POC5: variants seen among roughly 807,000 people sequenced by gnomAD.
POC5 encodes the protein centrosomal protein POC5.
Under a neutral mutation model 62.9 loss-of-function variants are expected in POC5, and 48 were observed. That is an observed-to-expected ratio of 0.76 (90% CI 0.61 to 0.97). The LOEUF (loss-of-function observed/expected upper bound fraction) is 0.97. Among genes scored for constraint, POC5 ranks in the 50% least tolerant of loss-of-function variants. The pLI is 0.00. For synonymous variants in POC5, 236 were observed against 228.2 expected, an observed-to-expected ratio of 1.03 and a Z score of -0.31; for missense variants, 696 against 679.5, an observed-to-expected ratio of 1.02 and a Z score of -0.27.
chr5:75,695,305 G>A (rs1490062334), intron 5 of POC5, among the ~76,000 whole-genome samples: 1 of 152,108 alleles, frequency 6.6e-6, no homozygotes, highest in Non-Finnish European at 1.5e-5. Context: ...CTGTTATAAT[G>A]GACTGCTATG....
chr5:75,706,860 G>A (rs1161594939), intron 3 of POC5, among the ~76,000 whole-genome samples: 2 of 152,264 alleles, frequency 1.3e-5, no homozygotes, highest in East Asian at 3.9e-4. Context: ...GTATTTTAAG[G>A]CTCTCATCCT....
intron 2 of POC5, among the ~76,000 whole-genome samples, chr5:75,710,736 T>G (rs1276491300): frequency 6.6e-6 from 1 of 152,202 alleles, no homozygotes; most frequent in East Asian, 1.9e-4. Context: ...CAGATTAATA[T>G]GATGGTGATC....
At chr5:75,690,703 T>A in intron 7 of POC5, 141 bp from the exon 8 acceptor site, 1 of 805,752 alleles carries the variant, frequency 1.2e-6, no homozygotes, top group Non-Finnish European at 1.9e-6. Flanking sequence ...ATCTTGCATA[T>A]AGGAGAACAG....
intron 9 of POC5, among the ~76,000 whole-genome samples, chr5:75,687,568 A>G (rs1320343781): frequency 6.6e-6 from 1 of 152,186 alleles, no homozygotes; most frequent in Non-Finnish European, 1.5e-5. Flanking sequence ...AGCAAAAGAA[A>G]TCATGTTGTG....
intron 9 of POC5, among the ~76,000 whole-genome samples, chr5:75,687,158 G>A (rs1776127913): frequency 6.6e-6 from 1 of 152,062 alleles, no homozygotes; most frequent in Admixed American, 6.6e-5. Context: ...AGCCTCCTGA[G>A]TAGCTGGGAC....
intron 8 of POC5, chr5:75,689,502 G>GTTA: frequency 1.0e-6 from 1 of 983,004 alleles, no homozygotes; most frequent in African/African-American, 1.7e-5. Flanking sequence ...AATACATTAA[G>GTTA]AGCCACAGAC....
chr5:75,688,890 T>A, intron 9 of POC5, 122 bp downstream of exon 9: 2 of 982,504 alleles, frequency 2.0e-6, no homozygotes, highest in Non-Finnish European at 2.7e-6. Context: ...GAATTAAGAA[T>A]AGCAGCACCT....
At chr5:75,696,265 C>T (rs192033420) in intron 5 of POC5, among the ~76,000 whole-genome samples, 1 of 152,246 alleles carries the variant, frequency 6.6e-6, no homozygotes, top group Non-Finnish European at 1.5e-5. Context: ...GGGCAGGGCA[C>T]AGACAAACAA....
chr5:75,707,688 A>C (rs1344685308), intron 3 of POC5, 49 bp downstream of exon 3: 1 of 1,372,388 alleles, frequency 7.3e-7, no homozygotes, highest in East Asian at 2.5e-5. Flanking sequence ...ATCATTAATA[A>C]ACTCAGTAAT....
At chr5:75,697,460 T>C (rs933007129) in intron 5 of POC5, among the ~76,000 whole-genome samples, 1 of 151,930 alleles carries the variant, frequency 6.6e-6, no homozygotes, top group African/African-American at 2.4e-5. Flanking sequence ...CAAACTAAGC[T>C]TCATAAGTGA....
chr5:75,686,589 G>C (rs994269544), intron 9 of POC5, among the ~76,000 whole-genome samples: 2 of 152,212 alleles, frequency 1.3e-5, no homozygotes, highest in African/African-American at 4.8e-5. Flanking sequence ...AACACACACT[G>C]AGTTTTAACT....
chr5:75,705,580 A>G (rs1437031265), intron 4 of POC5, 124 bp downstream of exon 4: 4 of 587,944 alleles, frequency 6.8e-6, no homozygotes, highest in Non-Finnish European at 1.1e-5. Context: ...AATTAGCAAT[A>G]ATAGCATTTT....
chr5:75,688,770 T>C (rs1385521500), intron 9 of POC5, among the ~76,000 whole-genome samples: 2 of 152,214 alleles, frequency 1.3e-5, no homozygotes, highest in Non-Finnish European at 2.9e-5. Context: ...TTTCAACATT[T>C]AGCTTAAATA....
At chr5:75,700,852 T>C (rs1462916324) in intron 5 of POC5, among the ~76,000 whole-genome samples, 7 of 138,832 alleles carry the variant, frequency 5.0e-5, no homozygotes, top group African/African-American at 1.5e-4. Flanking sequence ...GAATCTACAA[T>C]GAACTCAAAC....
chr5:75,717,364 G>A lies in POC5; in HGVS notation c.-73C>T, dbSNP rs1742646639. On this transcript the variant is annotated 5_prime_UTR_variant, in exon 1 of 12. Coordinates refer to ENST00000428202, the MANE Select transcript of POC5 (RefSeq NM_001099271.2). ...CTCTGCGCCTCTTAGCCGCGTCGCA[G>A]CTGCAGTGTCAGCAAGTGCAGCCTC... 1 of 152,276 alleles carries A rather than the reference G, an allele frequency of 6.6e-6. No homozygotes were observed. Among genetic ancestry groups the A allele is most frequent in the Non-Finnish European group, 1.5e-5 (1 of 68,078 alleles). 9.4% of individuals were successfully genotyped at this position (152,276 alleles called of 1,614,324 possible). A position where few individuals can be genotyped will look rare whatever the true frequency, so the allele number is the denominator to read the frequency against.
At chr5:75,688,466 C>T (rs886991582) in intron 9 of POC5, among the ~76,000 whole-genome samples, 4 of 152,046 alleles carry the variant, frequency 2.6e-5, no homozygotes, top group Non-Finnish European at 5.9e-5. Context: ...AAAACTACTA[C>T]ACAAACCACT....
At chr5:75,693,907 C>T (rs1285210787) in intron 6 of POC5, among the ~76,000 whole-genome samples, 3 of 152,020 alleles carry the variant, frequency 2.0e-5, no homozygotes, top group Admixed American at 1.3e-4. Context: ...ATCTTACCCT[C>T]GAATTCTTAA....
chr5:75,697,003 G>A (rs1171907093), intron 5 of POC5, among the ~76,000 whole-genome samples: 1 of 152,070 alleles, frequency 6.6e-6, no homozygotes, highest in Admixed American at 6.6e-5. Context: ...GAAGTTTAGA[G>A]AAAAAAGAAT....
intron 5 of POC5, chr5:75,696,250 T>A (rs889878956): frequency 6.5e-6 from 1 of 152,736 alleles, no homozygotes; most frequent in Non-Finnish European, 1.5e-5. Context: ...AGGCTCCACC[T>A]CTGGGGGCAG....
Sources: gnomAD v4.1 joint callset for allele counts (sites outside exome capture counted in the v4.1 genomes callset) on GRCh38, gnomAD v4.1.1 for gene constraint, MANE v1.5 for transcripts, NCBI Gene and HGNC (gene_info 2026-07-23, HGNC 2026-07-21) for gene names.